FANCA: variants seen among roughly 807,000 people sequenced by gnomAD.
FANCA encodes FA complementation group A, also known as Fanconi anemia group A protein.
FANCA carries 236 observed loss-of-function variants against 194.3 expected under a neutral mutation model. The ratio of observed to expected loss-of-function variants is 1.21; its 90% CI spans 1.09 to 1.35. FANCA has a LOEUF of 1.35. Ranked by LOEUF, FANCA falls within the 40% of genes most tolerant of loss-of-function variation. FANCA has a pLI of 0.00. For missense variants in FANCA, 2,628 were observed against 1,813.9 expected, an observed-to-expected ratio of 1.45 and a Z score of -8.15; for synonymous variants, 1,014 against 715.8, an observed-to-expected ratio of 1.42 and a Z score of -6.65.
rs147300317 is a variant in FANCA at position 89,773,286 on chromosome 16, G to A, written c.1999C>T (p.Pro667Ser). Reference sequence around the variant, plus strand: ...CCATCCTCACCATCACGCTGGCTGGGGTCTGTCATGGAGGCTCTCAGCTCT... The same window carrying A: ...CCATCCTCACCATCACGCTGGCTGGAGTCTGTCATGGAGGCTCTCAGCTCT... ...LGELRASMTD[P>S]SQRDVISAQV... Residue 667 changes from proline (P) to serine (S), a missense_variant, in exon 22 of 43, where the codon CCC becomes TCC. Pro to Ser is a moderately conservative substitution (Grantham distance 74). Coordinates refer to ENST00000389301, the MANE Select transcript of FANCA (RefSeq NM_000135.4). 1.3e-6 allele frequency: 2 copies of A among 1,550,862 alleles called. No individual in the cohort carries two copies. The highest frequency in any genetic ancestry group is 1.7e-6 in the Non-Finnish European group (2 of 1,146,784).
intron 31 of FANCA, among the ~76,000 whole-genome samples, chr16:89,751,753 G>A (rs888308592): frequency 6.6e-6 from 1 of 151,794 alleles, no homozygotes; most frequent in African/African-American, 2.4e-5. Flanking sequence ...TTACAAGCCT[G>A]AGCCAACAAT....
At chr16:89,797,235 G>A (rs1469491488) in intron 10 of FANCA, among the ~76,000 whole-genome samples, 1 of 152,156 alleles carries the variant, frequency 6.6e-6, no homozygotes, top group Non-Finnish European at 1.5e-5. Context: ...GGAGGCTGAG[G>A]CAGGAGAATC....
At chr16:89,791,594 C>G in intron 13 of FANCA, 58 bp from the exon 14 acceptor site, 1 of 1,607,400 alleles carries the variant, frequency 6.2e-7, no homozygotes. Flanking sequence ...AGGAACATGA[C>G]GTGAGTTATG....
intron 3 of FANCA, among the ~76,000 whole-genome samples, chr16:89,812,490 T>C (rs2040925027): frequency 6.8e-6 from 1 of 147,094 alleles, no homozygotes; most frequent in Admixed American, 6.8e-5. Context: ...CTACTAAAAA[T>C]ACAAAATTAG....
chr16:89,771,353 G>A (rs1236840562), intron 23 of FANCA, among the ~76,000 whole-genome samples: 3 of 151,710 alleles, frequency 2.0e-5, no homozygotes, highest in African/African-American at 4.8e-5. Context: ...CAGCTACTCG[G>A]GAGGCTGAGA....
chr16:89,803,116 T>C, intron 8 of FANCA, 143 bp downstream of exon 8: 1 of 813,890 alleles, frequency 1.2e-6, no homozygotes, highest in Non-Finnish European at 2.1e-6. Flanking sequence ...ATCATTACAC[T>C]CTATGCACAA....
intron 17 of FANCA, among the ~76,000 whole-genome samples, chr16:89,781,439 C>T (rs1050767604): frequency 2.0e-5 from 3 of 148,742 alleles, no homozygotes; most frequent in Admixed American, 6.8e-5. Context: ...TTTGGGAGGC[C>T]AAGGCGGGCA....
intron 3 of FANCA, 105 bp downstream of exon 3, chr16:89,814,415 C>T: frequency 3.5e-6 from 3 of 847,398 alleles, no homozygotes; most frequent in Non-Finnish European, 3.7e-6. Context: ...CAGTGGAAAC[C>T]CATCGCCTGA....
At chr16:89,764,488 TAGAG>T (rs1323293838) in intron 28 of FANCA, among the ~76,000 whole-genome samples, 1 of 152,090 alleles carries the variant, frequency 6.6e-6, no homozygotes, top group Non-Finnish European at 1.5e-5. Flanking sequence ...GCATTCTTTG[TAGAG>T]ATGGGGTTTC....
At chr16:89,808,185 T>C in intron 6 of FANCA, 109 bp downstream of exon 6, 1 of 1,013,490 alleles carries the variant, frequency 9.9e-7, no homozygotes, top group South Asian at 1.3e-5. Context: ...TAGTACAAAT[T>C]ATATGTCAAA....
chr16:89,789,310 GGGGGAGCA>G (rs2039994023), intron 14 of FANCA, among the ~76,000 whole-genome samples: 1 of 56,458 alleles, frequency 1.8e-5, no homozygotes, highest in Non-Finnish European at 3.0e-5. Context: ...AAGGCCTGGG[GGGGGAGCA>G]GGCACCGCAG....
chr16:89,804,596 C>T (rs1392103158), intron 7 of FANCA, among the ~76,000 whole-genome samples: 3 of 152,200 alleles, frequency 2.0e-5, no homozygotes, highest in African/African-American at 7.2e-5. Flanking sequence ...ACTCCTCAAG[C>T]TGGACTCTGG....
At chr16:89,777,491 C>G (rs1850255652) in intron 20 of FANCA, among the ~76,000 whole-genome samples, 1 of 151,180 alleles carries the variant, frequency 6.6e-6, no homozygotes, top group Admixed American at 6.6e-5. Flanking sequence ...TTTGGGAGGC[C>G]GAGGTGGGTG....
At chr16:89,781,139 C>A (rs931392972) in intron 17 of FANCA, among the ~76,000 whole-genome samples, 1 of 151,996 alleles carries the variant, frequency 6.6e-6, no homozygotes, top group Non-Finnish European at 1.5e-5. Flanking sequence ...CCGAGGCAGA[C>A]GGATCACGAG....
chr16:89,799,382 T>A, intron 9 of FANCA, 150 bp from the exon 10 acceptor site: 1 of 1,018,236 alleles, frequency 9.8e-7, no homozygotes, highest in South Asian at 1.3e-5. Context: ...TAGGCCTTAA[T>A]CAAAACACAC....
At chr16:89,744,712 G>T in intron 36 of FANCA, 2 of 538,492 alleles carry the variant, frequency 3.7e-6, no homozygotes, top group South Asian at 1.9e-5. Flanking sequence ...TCTATTGGCC[G>T]TTGGAGTGAT....
chr16:89,801,181 T>C (rs746631700), intron 8 of FANCA, among the ~76,000 whole-genome samples: 7 of 150,894 alleles, frequency 4.6e-5, no homozygotes, highest in Non-Finnish European at 7.4e-5. Context: ...CCATCTCTAC[T>C]AAAAATAGAA....
chr16:89,746,080 ATG>A (rs1337971820), intron 35 of FANCA, among the ~76,000 whole-genome samples: 1 of 152,144 alleles, frequency 6.6e-6, no homozygotes, highest in Non-Finnish European at 1.5e-5. Context: ...AGTGAGGGAA[ATG>A]CTGCCCTCCT....
rs1410887811 is a variant in FANCA, at chr16:89,742,787, T to C, written c.3765+13A>G. ...GCGAGAAAATAAATCAGTAAAAGAA[T>C]TTCCTATCTTGCCTCCTCTCTCTCG... is the stretch of plus-strand genomic sequence containing the variant. On this transcript the variant is annotated intron_variant, in intron 37 of 42. Coordinates refer to ENST00000389301, the MANE Select transcript of FANCA (RefSeq NM_000135.4). The C allele has an allele frequency of 5.0e-6, 8 of 1,612,224 alleles. No individual in the cohort carries two copies. The highest frequency in any genetic ancestry group is 2.2e-5 in the East Asian group (1 of 44,776).
Sources: allele counts gnomAD v4.1 joint callset (sites outside exome capture counted in the v4.1 genomes callset), GRCh38; gene constraint gnomAD v4.1.1; transcripts MANE v1.5; gene names NCBI Gene and HGNC (gene_info 2026-07-23, HGNC 2026-07-21).